PACRG: variants seen among roughly 807,000 people sequenced by gnomAD.
PACRG encodes parkin coregulated, also known as parkin coregulated gene protein.
In PACRG, 29 loss-of-function variants were observed where a neutral mutation model predicts 29.7. That is an observed-to-expected ratio of 0.98 (90% CI 0.73 to 1.33). The LOEUF is 1.33. PACRG is among the 40% of genes most tolerant of loss of function. The pLI is 0.00. For missense variants in PACRG, 279 were observed against 316.2 expected (o/e 0.88, Z 0.89); for synonymous variants, 116 against 118.7 (o/e 0.98, Z 0.15).
intron 1 of PACRG, among the ~76,000 whole-genome samples, chr6:162,790,295 TCATAGGATGGATAGGTTCAGTGGATA>T (rs1160036414): frequency 2.0e-5 from 3 of 152,130 alleles, no homozygotes; most frequent in Non-Finnish European, 4.4e-5. Context: ...GCAGGCATGC[TCATAGGATGGATAGGTTCAGTGGATA>T]CATTTGCTCT....
chr6:163,200,741 C>T (rs903503408), intron 4 of PACRG, among the ~76,000 whole-genome samples: 6 of 152,194 alleles, frequency 3.9e-5, no homozygotes, highest in Non-Finnish European at 8.8e-5. Context: ...TTTTACAATC[C>T]TTGTTTTAGA....
intron 1 of PACRG, among the ~76,000 whole-genome samples, chr6:162,772,366 T>C (rs1195399729): frequency 6.6e-6 from 1 of 151,958 alleles, no homozygotes; most frequent in Non-Finnish European, 1.5e-5. Context: ...CGATGTGCAA[T>C]AAAGGGTTAC....
chr6:162,857,000 A>G (rs1584559905), intron 2 of PACRG, among the ~76,000 whole-genome samples: 1 of 152,138 alleles, frequency 6.6e-6, no homozygotes, highest in East Asian at 1.9e-4. Flanking sequence ...TGTGCTTGGG[A>G]CGGGATCAGA....
intron 1 of PACRG, among the ~76,000 whole-genome samples, chr6:162,748,900 T>C (rs942935766): frequency 6.6e-6 from 1 of 152,206 alleles, no homozygotes; most frequent in Non-Finnish European, 1.5e-5. Flanking sequence ...ATCAAGATAA[T>C]GAATATATTC....
intron 2 of PACRG, among the ~76,000 whole-genome samples, chr6:162,941,000 GTGTT>G (rs1212247661): frequency 6.6e-6 from 1 of 151,660 alleles, no homozygotes; most frequent in Non-Finnish European, 1.5e-5. Flanking sequence ...CCTGGCATGT[GTGTT>G]TGTGTGTGTG....
chr6:162,913,742 A>G (rs1250735076), intron 2 of PACRG, among the ~76,000 whole-genome samples: 1 of 152,124 alleles, frequency 6.6e-6, no homozygotes, highest in Non-Finnish European at 1.5e-5. Flanking sequence ...CAATCCTTTT[A>G]ATTTCAGCCA....
rs946098966 is a variant in PACRG, at chr6:163,172,203, T to C, written c.613+82795T>C. On this transcript the variant is annotated intron_variant, in intron 4 of 4. Transcript: ENST00000366888. ...TTAAAACCTGCAAATTGCTTTTTAA[T>C]GTCTCAGACTTGTAGCCAGCATTGG... 3.3e-5 allele frequency among the ~76,000 whole-genome samples: 5 copies of C among 152,238 alleles called. No homozygotes were observed. In the East Asian group the frequency reaches 7.7e-4, roughly 23 times the overall value.
intron 4 of PACRG, among the ~76,000 whole-genome samples, chr6:163,179,035 A>T (rs1394704682): frequency 1.3e-5 from 2 of 152,224 alleles, no homozygotes. Flanking sequence ...TGATGAGCTG[A>T]ATTTTCAGGC....
chr6:163,203,029 T>C (rs991228758), intron 4 of PACRG, among the ~76,000 whole-genome samples: 2 of 152,120 alleles, frequency 1.3e-5, no homozygotes, highest in Admixed American at 1.3e-4. Flanking sequence ...TTGCCACAGC[T>C]GCTAGTCAGG....
intron 2 of PACRG, among the ~76,000 whole-genome samples, chr6:163,046,378 T>A (rs766717681): frequency 3.3e-5 from 5 of 150,670 alleles, no homozygotes; most frequent in Non-Finnish European, 7.4e-5. Context: ...CTTACTTAAC[T>A]TTTTGTGATT....
At chr6:162,871,096 A>C (rs1792764639) in intron 2 of PACRG, among the ~76,000 whole-genome samples, 1 of 152,200 alleles carries the variant, frequency 6.6e-6, no homozygotes, top group African/African-American at 2.4e-5. Flanking sequence ...AAACGAGGTG[A>C]TGTGGGGGTG....
At chr6:163,090,402 A>G (rs1300851726) in intron 4 of PACRG, 1 of 152,164 alleles carries the variant, frequency 6.6e-6, no homozygotes, top group Non-Finnish European at 1.5e-5. Flanking sequence ...AAGGACTTCA[A>G]ACTGGAGTTA....
intron 4 of PACRG, among the ~76,000 whole-genome samples, chr6:163,236,626 T>C (rs1243258443): frequency 6.6e-6 from 1 of 152,206 alleles, no homozygotes; most frequent in Admixed American, 6.5e-5. Context: ...ATTACAAATG[T>C]CTGCTATGGG....
At chr6:162,857,316 A>G (rs1791485954) in intron 2 of PACRG, among the ~76,000 whole-genome samples, 2 of 152,246 alleles carry the variant, frequency 1.3e-5, no homozygotes, top group South Asian at 2.1e-4. Context: ...CACTTAAGAA[A>G]TAATAAGCCA....
At chr6:163,054,393 A>C (rs576854) in intron 2 of PACRG, among the ~76,000 whole-genome samples, 90,889 of 152,078 alleles carry the variant, frequency 0.6, 29,574 homozygotes, top group East Asian at 0.96. Context: ...CAGAACTCGA[A>C]TATGCTGACA....
chr6:163,056,593 C>T (rs543452950), intron 2 of PACRG, among the ~76,000 whole-genome samples: 1 of 152,054 alleles, frequency 6.6e-6, no homozygotes, highest in Non-Finnish European at 1.5e-5. Flanking sequence ...ACCATTACCC[C>T]CCAGAAGCAG....
chr6:163,085,074 G>C (rs1312257923), intron 3 of PACRG, among the ~76,000 whole-genome samples: 4 of 151,922 alleles, frequency 2.6e-5, no homozygotes, highest in Non-Finnish European at 5.9e-5. Context: ...ACCACATTCA[G>C]GTAGTAATCA....
At chr6:163,240,248 GA>G (rs147327753) in intron 4 of PACRG, among the ~76,000 whole-genome samples, 24,851 of 151,542 alleles carry the variant, frequency 0.16, 2,282 homozygotes, top group South Asian at 0.3. Context: ...CTGGGAGGAG[GA>G]GGGGGGGACG....
intron 4 of PACRG, among the ~76,000 whole-genome samples, chr6:163,089,685 T>G (rs1300661365): frequency 6.6e-6 from 1 of 152,264 alleles, no homozygotes; most frequent in Non-Finnish European, 1.5e-5. Context: ...ATTTGAAGTT[T>G]TTTTAATGGT....
Sources: allele counts gnomAD v4.1 joint callset (sites outside exome capture counted in the v4.1 genomes callset), GRCh38; gene constraint gnomAD v4.1.1; transcripts MANE v1.5; gene names NCBI Gene and HGNC (gene_info 2026-07-23, HGNC 2026-07-21).